The following GABPB2 variants were observed in gnomAD, a reference collection of about 807,000 sequenced individuals.
The protein encoded by GABPB2 is GA binding protein transcription factor subunit beta 2.
GABPB2 carries 23 observed loss-of-function variants against 39.1 expected under a neutral mutation model. The observed-to-expected ratio is 0.59, with a 90% CI of 0.42 to 0.83. The LOEUF (loss-of-function observed/expected upper bound fraction) is 0.83, where lower values mean the gene tolerates loss of function less well. Among genes scored for constraint, GABPB2 ranks in the 40% least tolerant of loss-of-function variants. GABPB2 has a pLI of 0.00. For synonymous variants in GABPB2, 184 were observed against 199.3 expected (o/e 0.92, Z 0.65); for missense variants, 467 against 541.1 (o/e 0.86, Z 1.36).
chr1:151,118,236 A>G lies in GABPB2; in HGVS notation c.1327A>G (p.Met443Val). ...CACAGAGCCTCACACTAGAGTTTCC[A>G]TGGCAACTGTTTCATCTTAATATGC... is the stretch of plus-strand genomic sequence containing the variant. ...GTTEPHTRVS[M>V]ATVSS Residue 443 changes from methionine (M) to valine (V), a missense_variant, in exon 9 of 9, where the codon ATG becomes GTG. Physicochemically the swap from Met to Val is conservative, Grantham distance 21 (BLOSUM62 1). Coordinates refer to ENST00000368918, the MANE Select transcript of GABPB2 (RefSeq NM_144618.3). The G allele has an allele frequency of 1.2e-6, 2 of 1,613,050 alleles. No homozygotes were observed. Among genetic ancestry groups the G allele is most frequent in the Non-Finnish European group, 1.7e-6 (2 of 1,179,214 alleles).
At chr1:151,117,359 C>T in intron 7 of GABPB2, 33 bp from the exon 8 acceptor site, 1 of 1,600,120 alleles carries the variant, frequency 6.2e-7, no homozygotes, top group Non-Finnish European at 8.5e-7. Flanking sequence ...ATTATGCATT[C>T]ATCACCTCCA....
chr1:151,074,884 G>A (rs2102991542), intron 1 of GABPB2, among the ~76,000 whole-genome samples: 1 of 152,236 alleles, frequency 6.6e-6, no homozygotes, highest in South Asian at 2.1e-4. Flanking sequence ...TGGGCACAGT[G>A]GCTCACACCA....
At chr1:151,102,511 C>T (rs587678786) in intron 5 of GABPB2, among the ~76,000 whole-genome samples, 1 of 152,144 alleles carries the variant, frequency 6.6e-6, no homozygotes, top group East Asian at 1.9e-4. Flanking sequence ...GGTGCGATCT[C>T]GGCTTACTGC....
At chr1:151,090,757 G>A (rs1444412278) in intron 3 of GABPB2, among the ~76,000 whole-genome samples, 184 bp downstream of exon 3, 2 of 151,972 alleles carry the variant, frequency 1.3e-5, no homozygotes, top group Admixed American at 1.3e-4. Context: ...ACTTTGGGAG[G>A]CCGAGACGGG....
At chr1:151,071,995 G>A (rs1571866968) in intron 1 of GABPB2, among the ~76,000 whole-genome samples, 1 of 152,242 alleles carries the variant, frequency 6.6e-6, no homozygotes, top group East Asian at 1.9e-4. Flanking sequence ...GAAAAGGACA[G>A]TCTATGGCTT....
intron 1 of GABPB2, among the ~76,000 whole-genome samples, chr1:151,085,392 T>G: frequency 1.3e-5 from 2 of 152,204 alleles, no homozygotes; most frequent in Non-Finnish European, 2.9e-5. Flanking sequence ...AGCAAAACTC[T>G]GTCTCAAAAA....
intron 7 of GABPB2, among the ~76,000 whole-genome samples, chr1:151,110,262 A>T (rs1680317270): frequency 6.6e-6 from 1 of 151,706 alleles, no homozygotes; most frequent in Non-Finnish European, 1.5e-5. Flanking sequence ...GTATGGGAAG[A>T]TAAGAATTAA....
chr1:151,088,117 T>TA, intron 1 of GABPB2, 73 bp from the exon 2 acceptor site: 1 of 1,052,296 alleles, frequency 9.5e-7, no homozygotes, highest in African/African-American at 1.6e-5. Flanking sequence ...AGAAGTCTTC[T>TA]AAAAAATGTA....
rs369048765 is a variant in GABPB2, at chr1:151,111,524, G to A, written c.922+4302G>A. 4.7e-4 allele frequency among the ~76,000 whole-genome samples: 71 copies of A among 151,858 alleles called. 1 individual carries two copies. The East Asian group carries it at 0.013, about 27-fold the overall frequency. On this transcript the variant is annotated intron_variant, in intron 7 of 8. Transcript: ENST00000368918. ...CGCAAGCTCCACCTCCCGGGTTGACGCCATTCTCCTGCCTCAGCCTCCTGA... is the reference window on the plus strand; with the variant it reads ...CGCAAGCTCCACCTCCCGGGTTGACACCATTCTCCTGCCTCAGCCTCCTGA...
chr1:151,110,005 ATTTTTTTTT>A (rs71577269), intron 7 of GABPB2, among the ~76,000 whole-genome samples: 5 of 60,752 alleles, frequency 8.2e-5, no homozygotes, highest in Non-Finnish European at 1.0e-4. Context: ...TGCCCAGCTA[ATTTTTTTTT>A]TTTTTTTTTT....
chr1:151,097,695 C>G (rs747703266), intron 4 of GABPB2, among the ~76,000 whole-genome samples, 157 bp from the exon 5 acceptor site: 1 of 151,840 alleles, frequency 6.6e-6, no homozygotes, highest in Non-Finnish European at 1.5e-5. Context: ...ATGAGAATTG[C>G]CTGAACCCAG....
At chr1:151,085,029 C>G (rs879903383) in intron 1 of GABPB2, among the ~76,000 whole-genome samples, 2 of 151,088 alleles carry the variant, frequency 1.3e-5, no homozygotes, top group African/African-American at 2.4e-5. Flanking sequence ...CCTAAGTGGT[C>G]AAATCTGCAG....
At chr1:151,080,426 G>A (rs901268060) in intron 1 of GABPB2, among the ~76,000 whole-genome samples, 3 of 150,082 alleles carry the variant, frequency 2.0e-5, no homozygotes, top group African/African-American at 7.4e-5. Flanking sequence ...CAGGAGAATC[G>A]CTTCAACCCA....
At position 151,120,653 on chromosome 1, in the gene GABPB2, C is replaced by G. The variant is rs1681149679; in HGVS notation, c.*2397C>G. ...TGAAACTCTGGTCTTGACATATAAA[C>G]TTTGCTCTGACTGGATTTCATAAAA... On this transcript the variant is annotated 3_prime_UTR_variant, in exon 9 of 9. Coordinates refer to ENST00000368918, the MANE Select transcript of GABPB2 (RefSeq NM_144618.3). The G allele has an allele frequency of 1.3e-5, 2 of 151,992 alleles. No homozygotes were observed. The highest frequency in any genetic ancestry group is 4.8e-5 in the African/African-American group (2 of 41,376). The allele number at this position is 151,992 out of a possible 1,614,324, so 9.4% of individuals were successfully genotyped here.
At chr1:151,107,363 AAAAG>A in intron 7 of GABPB2, 141 bp downstream of exon 7, 5 of 491,620 alleles carry the variant, frequency 1.0e-5, no homozygotes, top group Non-Finnish European at 1.7e-5. Flanking sequence ...CTGAAAAAGA[AAAAG>A]AAACGGAACC....
chr1:151,082,766 A>G (rs1358731063), intron 1 of GABPB2, among the ~76,000 whole-genome samples: 2 of 151,956 alleles, frequency 1.3e-5, no homozygotes, highest in Admixed American at 6.6e-5. Flanking sequence ...GCTTGAGGCC[A>G]GGAGTTTGAG....
chr1:151,095,601 CCCT>C (rs1679038887), intron 4 of GABPB2, among the ~76,000 whole-genome samples: 1 of 152,166 alleles, frequency 6.6e-6, no homozygotes, highest in Admixed American at 6.6e-5. Flanking sequence ...TACTACTCTT[CCCT>C]CCTCTGTGCT....
chr1:151,104,814 C>CTTTCTTTCTTTCTTTCTTTCTTTCCTTT (rs1402126253), intron 6 of GABPB2, among the ~76,000 whole-genome samples: 2 of 36,256 alleles, frequency 5.5e-5, no homozygotes, highest in Non-Finnish European at 1.6e-4. Flanking sequence ...TTCTTTCTTT[C>CTTTCTTTCTTTCTTTCTTTCTTTCCTTT]CTTTCTTTCT....
At chr1:151,116,948 AC>A (rs1340365257) in intron 7 of GABPB2, among the ~76,000 whole-genome samples, 2 of 152,008 alleles carry the variant, frequency 1.3e-5, no homozygotes, top group African/African-American at 2.4e-5. Context: ...GCCATAGGTG[AC>A]CTAGAGTCAG....
Sources: gnomAD v4.1 joint callset for allele counts (sites outside exome capture counted in the v4.1 genomes callset) on GRCh38, gnomAD v4.1.1 for gene constraint, MANE v1.5 for transcripts, NCBI Gene and HGNC (gene_info 2026-07-23, HGNC 2026-07-21) for gene names.